Variants in TP63 observed in about 807,000 individuals in gnomAD.
The protein encoded by TP63 is tumor protein p63.
TP63 carries 17 observed loss-of-function variants against 82.8 expected under a neutral mutation model. That is an observed-to-expected ratio of 0.21 (90% CI 0.14 to 0.31). The LOEUF is 0.31. Ranked by LOEUF, TP63 falls within the 10% of genes least tolerant of loss-of-function variation. The probability of loss-of-function intolerance (pLI) is 1.00; values close to 1 mark genes in which losing one functional copy is unlikely to be tolerated. For missense variants in TP63, 648 were observed against 895.3 expected (o/e 0.72, Z 3.52); for synonymous variants, 330 against 321.7 (o/e 1.03, Z -0.28).
At chr3:189,720,199 G>T (rs1258200327) in intron 1 of TP63, among the ~76,000 whole-genome samples, 1 of 152,132 alleles carries the variant, frequency 6.6e-6, no homozygotes, top group African/African-American at 2.4e-5. Context: ...TTGTTCATCT[G>T]TCTTCTCCCT....
At chr3:189,796,058 T>A (rs1394212552) in intron 3 of TP63, among the ~76,000 whole-genome samples, 1 of 152,036 alleles carries the variant, frequency 6.6e-6, no homozygotes, top group Non-Finnish European at 1.5e-5. Context: ...GGACCAGAAG[T>A]CTTTTCTCTG....
At chr3:189,852,891 C>T (rs1715827627) in intron 4 of TP63, among the ~76,000 whole-genome samples, 1 of 152,154 alleles carries the variant, frequency 6.6e-6, no homozygotes, top group Non-Finnish European at 1.5e-5. Flanking sequence ...CAGTTAACAT[C>T]CCCTTGCTTT....
the TP63 span, among the ~76,000 whole-genome samples, chr3:189,620,880 G>A: frequency 6.6e-6 from 1 of 152,158 alleles, no homozygotes; most frequent in Non-Finnish European, 1.5e-5. Flanking sequence ...TCTTGAACCA[G>A]AGGTTGTCCA....
At chr3:189,619,112 C>A in the TP63 span, among the ~76,000 whole-genome samples, 1 of 152,278 alleles carries the variant, frequency 6.6e-6, no homozygotes, top group Admixed American at 6.5e-5. Flanking sequence ...TACATGCTAG[C>A]TAATTCTGGC....
chr3:189,789,729 C>CA lies in TP63; in HGVS notation c.325-18543_325-18542insA, dbSNP rs34201045. The CA allele has an allele frequency of 1.7e-5, 25 of 1,482,586 alleles. No homozygotes were observed. The South Asian group carries it at 1.8e-4, about 11-fold the overall frequency. 91.8% of individuals were successfully genotyped at this position (1,482,586 alleles called of 1,614,324 possible). A position where few individuals can be genotyped will look rare whatever the true frequency, so the allele number is the denominator to read the frequency against. On this transcript the variant is annotated intron_variant, in intron 3 of 13. Transcript: ENST00000264731. ...AAGTAGATTCATATTGTAAGGGTCT[C>CA]GGGGTGGGGGGGTTGGCAAAATCCT...
chr3:189,744,616 G>A (rs1721235138), intron 3 of TP63, among the ~76,000 whole-genome samples: 1 of 152,192 alleles, frequency 6.6e-6, no homozygotes, highest in South Asian at 2.1e-4. Context: ...CAGGCCTGGG[G>A]TCTGGCCCAC....
chr3:189,784,582 G>C (rs1459057879), intron 3 of TP63, among the ~76,000 whole-genome samples: 1 of 152,050 alleles, frequency 6.6e-6, no homozygotes, highest in Non-Finnish European at 1.5e-5. Context: ...ACCATAAAAA[G>C]TGCAGAATCT....
intron 4 of TP63, among the ~76,000 whole-genome samples, chr3:189,856,352 A>G (rs531552720): frequency 6.6e-6 from 1 of 151,992 alleles, no homozygotes; most frequent in East Asian, 1.9e-4. Context: ...ATGACTCAGT[A>G]TTAAGAATTA....
At chr3:189,695,753 A>G (rs1020739520) in intron 1 of TP63, among the ~76,000 whole-genome samples, 1 of 152,166 alleles carries the variant, frequency 6.6e-6, no homozygotes, top group African/African-American at 2.4e-5. Context: ...GCTCTCATAC[A>G]CGCATCATCC....
At chr3:189,815,640 T>G (rs573159151) in intron 4 of TP63, among the ~76,000 whole-genome samples, 1 of 152,144 alleles carries the variant, frequency 6.6e-6, no homozygotes, top group African/African-American at 2.4e-5. Flanking sequence ...TGTAAAACAC[T>G]ACAGGCCAAA....
intron 4 of TP63, among the ~76,000 whole-genome samples, chr3:189,840,366 T>C (rs866303948): frequency 0.067 from 9,164 of 137,618 alleles, 686 homozygotes; most frequent in East Asian, 0.11. Flanking sequence ...CGTCTTTTTT[T>C]TTTTTTTTTT....
chr3:189,795,387 G>A (rs952447294), intron 3 of TP63, among the ~76,000 whole-genome samples: 22 of 152,000 alleles, frequency 1.4e-4, no homozygotes, highest in African/African-American at 4.1e-4. Context: ...TGAGGGGTTC[G>A]TAAATGACTC....
chr3:189,695,839 A>G (rs1717335596), intron 1 of TP63, among the ~76,000 whole-genome samples: 1 of 152,188 alleles, frequency 6.6e-6, no homozygotes, highest in African/African-American at 2.4e-5. Context: ...GTGGAAAATA[A>G]TTTTATCAAG....
chr3:189,807,701 C>T (rs1415255458), intron 3 of TP63, among the ~76,000 whole-genome samples: 2 of 152,130 alleles, frequency 1.3e-5, no homozygotes, highest in Non-Finnish European at 2.9e-5. Context: ...CATGATCCTC[C>T]AGTCTTTGTG....
chr3:189,645,297 A>T, intron 1 of TP63: 1 of 465,376 alleles, frequency 2.1e-6, no homozygotes, highest in East Asian at 3.5e-5. Context: ...TGGTCTCTTG[A>T]ACTGCCCTTC....
the TP63 span, among the ~76,000 whole-genome samples, chr3:189,608,430 A>G: frequency 7.6e-4 from 115 of 152,138 alleles, 1 homozygote; most frequent in Non-Finnish European, 1.6e-4. Flanking sequence ...ACACATGATA[A>G]ACTGGGATTT....
chr3:189,663,893 A>G (rs879671276), intron 1 of TP63, among the ~76,000 whole-genome samples: 10 of 152,232 alleles, frequency 6.6e-5, no homozygotes, highest in Non-Finnish European at 1.2e-4. Context: ...CGCATTTAGC[A>G]AATAATAATG....
intron 3 of TP63, among the ~76,000 whole-genome samples, chr3:189,756,677 A>C (rs1722215092): frequency 6.6e-6 from 1 of 152,106 alleles, no homozygotes; most frequent in Non-Finnish European, 1.5e-5. Flanking sequence ...TGCCTAGGGG[A>C]AGGTGTTTGC....
At chr3:189,698,653 T>G (rs1717571687) in intron 1 of TP63, among the ~76,000 whole-genome samples, 1 of 152,176 alleles carries the variant, frequency 6.6e-6, no homozygotes, top group South Asian at 2.1e-4. Context: ...TGCTTATACA[T>G]GTATGTTCTT....
Sources: allele counts gnomAD v4.1 joint callset (sites outside exome capture counted in the v4.1 genomes callset), GRCh38; gene constraint gnomAD v4.1.1; transcripts MANE v1.5; gene names NCBI Gene and HGNC (gene_info 2026-07-23, HGNC 2026-07-21).